The following PRORP variants were observed in gnomAD, a reference collection of about 807,000 sequenced individuals.
PRORP encodes the protein mitochondrial ribonuclease P catalytic subunit.
A neutral mutation model predicts 59.4 loss-of-function variants in PRORP; 51 were observed. The ratio of observed to expected loss-of-function variants is 0.86; its 90% CI spans 0.69 to 1.08. The LOEUF is 1.08. PRORP is among the 50% of genes least tolerant of loss of function. The pLI is 0.00. For synonymous variants in PRORP, 231 were observed against 245.6 expected (o/e 0.94, Z 0.55); for missense variants, 646 against 690.3 (o/e 0.94, Z 0.72).
At chr14:35,233,903 G>A (rs1198532198) in intron 5 of PRORP, among the ~76,000 whole-genome samples, 3 of 152,152 alleles carry the variant, frequency 2.0e-5, no homozygotes, top group African/African-American at 7.2e-5. Context: ...TAGGAAGAGA[G>A]ATGTAGAAAA....
At chr14:35,270,733 T>A in intron 7 of PRORP, 137 bp downstream of exon 7, 1 of 794,256 alleles carries the variant, frequency 1.3e-6, no homozygotes, top group Non-Finnish European at 2.0e-6. Context: ...TATTTGGAAC[T>A]AGCCAGGTCC....
rs376271881 is a variant in PRORP at position 35,218,410 on chromosome 14, G to C, written c.1275+37633G>C. 4.0e-3 allele frequency among the ~76,000 whole-genome samples: 466 copies of C among 116,526 alleles called. 7 individuals are homozygous for C. In the South Asian group the frequency reaches 0.053, roughly 13 times the overall value. 76.4% of individuals were successfully genotyped at this position (116,526 alleles called of 152,430 possible). On this transcript the variant is annotated intron_variant, in intron 5 of 7. Coordinates refer to ENST00000534898, the MANE Select transcript of PRORP (RefSeq NM_014672.4). ...CAGGAGGTCAAGGCTGCAGTAAGCT[G>C]TTCTTGTGCCACTGCATAGTAGCCT... is the stretch of plus-strand genomic sequence containing the variant.
intron 5 of PRORP, among the ~76,000 whole-genome samples, chr14:35,188,570 A>T (rs563510178): frequency 6.6e-6 from 1 of 151,408 alleles, no homozygotes; most frequent in East Asian, 1.9e-4. Context: ...CAGGCTTTGG[A>T]TTCTCTTTTC....
chr14:35,248,169 G>A (rs1391052753), intron 5 of PRORP, among the ~76,000 whole-genome samples: 1 of 152,194 alleles, frequency 6.6e-6, no homozygotes, highest in Non-Finnish European at 1.5e-5. Flanking sequence ...AGGACATGGT[G>A]GGTCTAATGT....
At chr14:35,230,591 A>T (rs185819888) in intron 5 of PRORP, among the ~76,000 whole-genome samples, 4 of 152,268 alleles carry the variant, frequency 2.6e-5, no homozygotes, top group African/African-American at 9.6e-5. Context: ...CTGGGTAGGT[A>T]TCCTGCATTA....
chr14:35,131,596 T>G (rs1420686448), intron 4 of PRORP, among the ~76,000 whole-genome samples: 1 of 151,814 alleles, frequency 6.6e-6, no homozygotes, highest in Non-Finnish European at 1.5e-5. Flanking sequence ...TGGTGCTATT[T>G]CGGCTCACTG....
chr14:35,138,996 G>A (rs1396560846), intron 4 of PRORP, among the ~76,000 whole-genome samples: 1 of 145,222 alleles, frequency 6.9e-6, no homozygotes, highest in African/African-American at 2.4e-5. Flanking sequence ...TTACCATGTT[G>A]GCTAGGCTGG....
chr14:35,217,975 A>G (rs1371742121), intron 5 of PRORP, among the ~76,000 whole-genome samples: 1 of 152,236 alleles, frequency 6.6e-6, no homozygotes, highest in East Asian at 1.9e-4. Flanking sequence ...ATTTCTACAA[A>G]GAAGCCAGCA....
At chr14:35,216,452 G>A (rs2049598245) in intron 5 of PRORP, among the ~76,000 whole-genome samples, 1 of 152,000 alleles carries the variant, frequency 6.6e-6, no homozygotes, top group Admixed American at 6.6e-5. Context: ...GGGACCAGAG[G>A]CACGTGCCAC....
intron 4 of PRORP, chr14:35,159,015 TC>T: frequency 3.1e-6 from 1 of 320,126 alleles, no homozygotes; most frequent in Non-Finnish European, 6.0e-6. Flanking sequence ...ATTCCAGTCG[TC>T]CAGATTCCAA....
upstream of PRORP, chr14:35,122,068 C>G (rs375653906): frequency 1.7e-5 from 20 of 1,159,174 alleles, no homozygotes; most frequent in African/African-American, 2.6e-4. Context: ...GAAGGCCGTC[C>G]AACCACCATC....
chr14:35,262,664 C>T (rs574354429), intron 5 of PRORP: 2 of 774,588 alleles, frequency 2.6e-6, no homozygotes, highest in Admixed American at 1.7e-5. Context: ...AACTGGCTGC[C>T]GTTCAGACTA....
chr14:35,223,275 T>C (rs920291933), intron 5 of PRORP, among the ~76,000 whole-genome samples: 1 of 148,760 alleles, frequency 6.7e-6, no homozygotes, highest in African/African-American at 2.5e-5. Flanking sequence ...CTGGGAGAGG[T>C]GACGTTTCCC....
chr14:35,249,452 G>A (rs568160534), intron 5 of PRORP, among the ~76,000 whole-genome samples: 321 of 152,178 alleles, frequency 2.1e-3, no homozygotes, highest in Non-Finnish European at 3.9e-3. Context: ...AGCCAAGTAC[G>A]ATAGCATGCA....
At chr14:35,152,366 A>G (rs192766323) in intron 4 of PRORP, among the ~76,000 whole-genome samples, 82 of 152,292 alleles carry the variant, frequency 5.4e-4, no homozygotes, top group Non-Finnish European at 4.6e-4. Context: ...TGATTTCTCT[A>G]TCTTTTCCCC....
intron 5 of PRORP, among the ~76,000 whole-genome samples, chr14:35,215,933 A>G (rs1465038312): frequency 6.6e-6 from 1 of 151,304 alleles, no homozygotes; most frequent in Non-Finnish European, 1.5e-5. Context: ...CGCCTGGCTA[A>G]TTTTTGTATT....
intron 5 of PRORP, among the ~76,000 whole-genome samples, chr14:35,237,082 CCT>C (rs148664717): frequency 2.4e-5 from 3 of 123,124 alleles, no homozygotes; most frequent in Admixed American, 8.3e-5. Context: ...TTCCTTCCTT[CCT>C]TCTCTCTCTC....
At chr14:35,211,261 C>T (rs1349811570) in intron 5 of PRORP, among the ~76,000 whole-genome samples, 1 of 152,030 alleles carries the variant, frequency 6.6e-6, no homozygotes, top group Non-Finnish European at 1.5e-5. Context: ...GTTTTATTGT[C>T]TTCTCAGCAC....
chr14:35,159,934 C>T (rs1025933007), intron 4 of PRORP, among the ~76,000 whole-genome samples: 2 of 152,186 alleles, frequency 1.3e-5, no homozygotes, highest in African/African-American at 4.8e-5. Flanking sequence ...TAACACTTAG[C>T]TTACTATTAT....
Sources: allele counts gnomAD v4.1 joint callset (sites outside exome capture counted in the v4.1 genomes callset), GRCh38; gene constraint gnomAD v4.1.1; transcripts MANE v1.5; gene names NCBI Gene and HGNC (gene_info 2026-07-23, HGNC 2026-07-21).